Variants in AK9 observed in about 807,000 individuals in gnomAD.
The protein encoded by AK9 is adenylate kinase 9, also known as adenylate kinase domain containing 1.
A neutral mutation model predicts 239.6 loss-of-function variants in AK9; 191 were observed. The ratio of observed to expected loss-of-function variants is 0.80; its 90% CI spans 0.71 to 0.90. The LOEUF (loss-of-function observed/expected upper bound fraction) is 0.90. Ranked by LOEUF, AK9 falls within the 40% of genes least tolerant of loss-of-function variation. The pLI, the probability that AK9 is intolerant of heterozygous loss-of-function variation, is 0.00. For synonymous variants in AK9, 689 were observed against 721.0 expected, an observed-to-expected ratio of 0.96 and a Z score of 0.71; for missense variants, 1,995 against 2,214.7, an observed-to-expected ratio of 0.90 and a Z score of 1.99.
At chr6:109,651,642 G>T (rs1008250126) in intron 8 of AK9, among the ~76,000 whole-genome samples, 1 of 151,946 alleles carries the variant, frequency 6.6e-6, no homozygotes, top group Non-Finnish European at 1.5e-5. Flanking sequence ...CTGGTTTTTT[G>T]AAAAGATCAA....
chr6:109,635,148 A>G (rs1796558185), intron 10 of AK9, among the ~76,000 whole-genome samples: 1 of 152,234 alleles, frequency 6.6e-6, no homozygotes, highest in Non-Finnish European at 1.5e-5. Context: ...GAGGACGCAG[A>G]GAATGGGAGA....
intron 8 of AK9, 75 bp from the exon 9 acceptor site, chr6:109,644,763 TA>T: frequency 7.9e-7 from 1 of 1,262,070 alleles, no homozygotes; most frequent in East Asian, 2.4e-5. Context: ...AATCTTAATA[TA>T]CTGTGCAGAT....
chr6:109,683,865 C>T (rs7743159), intron 1 of AK9, among the ~76,000 whole-genome samples: 13,045 of 152,212 alleles, frequency 0.086, 909 homozygotes, highest in African/African-American at 0.19. Context: ...ATCAAGCTAC[C>T]ACTGACTTTC....
At chr6:109,527,298 A>T (rs1189454443) in intron 29 of AK9, among the ~76,000 whole-genome samples, 2 of 152,240 alleles carry the variant, frequency 1.3e-5, no homozygotes, top group Non-Finnish European at 2.9e-5. Context: ...GACAGTAAAG[A>T]CAATGATTTT....
At chr6:109,550,417 C>CCACAAAAAGCCAGTCCTTAT in intron 24 of AK9, 115 bp from the exon 25 acceptor site, 1 of 826,526 alleles carries the variant, frequency 1.2e-6, no homozygotes, top group East Asian at 2.8e-5. Context: ...TGAAAACTAT[C>CCACAAAAAGCCAGTCCTTAT]CACAAAAAGC....
intron 17 of AK9, among the ~76,000 whole-genome samples, chr6:109,600,248 TC>T (rs2128227719): frequency 6.6e-6 from 1 of 152,332 alleles, no homozygotes; most frequent in African/African-American, 2.4e-5. Flanking sequence ...TTGAGATACG[TC>T]CCATCAATAC....
intron 35 of AK9, among the ~76,000 whole-genome samples, chr6:109,502,047 T>C (rs1324310464): frequency 1.3e-5 from 2 of 152,210 alleles, no homozygotes; most frequent in Non-Finnish European, 2.9e-5. Flanking sequence ...ATCATGTGTA[T>C]CACTGGAAGC....
chr6:109,541,156 A>T (rs1191316738), intron 27 of AK9, among the ~76,000 whole-genome samples: 3 of 152,164 alleles, frequency 2.0e-5, no homozygotes, highest in African/African-American at 7.2e-5. Flanking sequence ...GACTAATGCA[A>T]TAACCTTTTC....
intron 17 of AK9, among the ~76,000 whole-genome samples, chr6:109,606,253 AATAGATAGATAGATAGATAGATAG>A (rs57376541): frequency 6.8e-6 from 1 of 148,132 alleles, no homozygotes; most frequent in African/African-American, 2.5e-5. Context: ...ATCACTTGTG[AATAGATAGATAGATAGATAGATAG>A]ATAGATAGAT....
intron 19 of AK9, among the ~76,000 whole-genome samples, chr6:109,581,518 C>T (rs1788857488): frequency 6.6e-6 from 1 of 152,166 alleles, no homozygotes; most frequent in African/African-American, 2.4e-5. Context: ...CCACAACATT[C>T]CCTTAAGCCA....
chr6:109,628,078 G>T (rs1028988144), intron 12 of AK9, among the ~76,000 whole-genome samples: 2 of 152,132 alleles, frequency 1.3e-5, no homozygotes, highest in African/African-American at 4.8e-5. Flanking sequence ...GTAAGGGAGG[G>T]TGTAGAGTAG....
intron 28 of AK9, among the ~76,000 whole-genome samples, chr6:109,530,969 A>C (rs967183320): frequency 6.6e-6 from 1 of 151,998 alleles, no homozygotes; most frequent in African/African-American, 2.4e-5. Context: ...CTTGAACCCA[A>C]GTGGCGGAGG....
chr6:109,531,231 G>T (rs1037885348), intron 28 of AK9, among the ~76,000 whole-genome samples: 1 of 152,076 alleles, frequency 6.6e-6, no homozygotes, highest in South Asian at 2.1e-4. Flanking sequence ...AGGAAAATTC[G>T]TGTGGAGGTA....
At chr6:109,574,671 G>C (rs1272699906) in intron 20 of AK9, among the ~76,000 whole-genome samples, 2 of 151,968 alleles carry the variant, frequency 1.3e-5, no homozygotes, top group Non-Finnish European at 2.9e-5. Context: ...CCTAGGTTAA[G>C]AACTCCAGTC....
At chr6:109,598,782 G>A (rs1237839378) in intron 17 of AK9, among the ~76,000 whole-genome samples, 1 of 152,158 alleles carries the variant, frequency 6.6e-6, no homozygotes, top group African/African-American at 2.4e-5. Flanking sequence ...GGTGTGAGAT[G>A]GTATCTCATT....
chr6:109,506,721 A>C lies in AK9; in HGVS notation c.4561T>G (p.Phe1521Val). The change falls in exon 34 of 41, where the codon TTT becomes GTT. Residue 1521 changes from phenylalanine (F) to valine (V), a missense_variant. Physicochemically the swap from Phe to Val is conservative, Grantham distance 50. Coordinates refer to ENST00000424296, the MANE Select transcript of AK9 (RefSeq NM_001145128.3). The part of the protein sequence containing the change: ...EARSIIPMVI[F>V]ELSVPSKEIF... ...TCCTTGGAAGGCACACTCAATTCAA[A>C]GATGACCATGGGAATGATTGACCTA... The C allele has an allele frequency of 3.9e-6, 6 of 1,538,506 alleles. No individual in the cohort carries two copies. Among genetic ancestry groups the C allele is most frequent in the Non-Finnish European group, 5.3e-6 (6 of 1,137,270 alleles).
At chr6:109,586,449 G>A (rs1019698365) in intron 17 of AK9, among the ~76,000 whole-genome samples, 3 of 152,152 alleles carry the variant, frequency 2.0e-5, no homozygotes, top group Admixed American at 1.3e-4. Flanking sequence ...AACAGACTTT[G>A]TGAAATAAAT....
chr6:109,508,577 G>A (rs1186753228), intron 33 of AK9, among the ~76,000 whole-genome samples: 1 of 151,256 alleles, frequency 6.6e-6, no homozygotes, highest in Middle Eastern at 3.4e-3. Context: ...AGAAAACCTT[G>A]AGTAAATCAG....
At chr6:109,617,375 A>G (rs1794300753) in intron 13 of AK9, among the ~76,000 whole-genome samples, 1 of 152,116 alleles carries the variant, frequency 6.6e-6, no homozygotes, top group Non-Finnish European at 1.5e-5. Flanking sequence ...TTAAAACAAA[A>G]TGTTTTGAGG....
Sources: allele counts gnomAD v4.1 joint callset (sites outside exome capture counted in the v4.1 genomes callset), GRCh38; gene constraint gnomAD v4.1.1; transcripts MANE v1.5; gene names NCBI Gene and HGNC (gene_info 2026-07-23, HGNC 2026-07-21).